GPHN: variants seen among roughly 807,000 people sequenced by gnomAD.
The protein encoded by GPHN is gephyrin.
In GPHN, 17 loss-of-function variants were observed where a neutral mutation model predicts 95.5. That is an observed-to-expected ratio of 0.18 (90% CI 0.12 to 0.27). GPHN has a LOEUF of 0.27. GPHN is among the 10% of genes least tolerant of loss of function. The pLI, the probability that GPHN is intolerant of heterozygous loss-of-function variation, is 1.00. For missense variants in GPHN, 660 were observed against 978.1 expected (o/e 0.67, Z 4.34); for synonymous variants, 320 against 322.5 (o/e 0.99, Z 0.08).
the GPHN span, among the ~76,000 whole-genome samples, chr14:67,367,578 A>G: frequency 6.6e-6 from 1 of 152,270 alleles, no homozygotes; most frequent in Non-Finnish European, 1.5e-5. Context: ...CAGCATTCTC[A>G]TAAATACGGT....
chr14:67,597,240 G>A, the GPHN span, among the ~76,000 whole-genome samples: 117,369 of 152,282 alleles, frequency 0.77, 45,527 homozygotes, highest in Middle Eastern at 0.84. Flanking sequence ...CACTTTGGGA[G>A]GCCAACATGG....
chr14:67,574,733 G>T, the GPHN span, among the ~76,000 whole-genome samples: 1 of 152,144 alleles, frequency 6.6e-6, no homozygotes, highest in African/African-American at 2.4e-5. The surrounding 1 kb of genome is among the most constrained non-coding windows in gnomAD (Gnocchi z 4.2). Flanking sequence ...GGAGGAAGAG[G>T]CCTGGGCGAG....
chr14:66,655,957 C>T (rs536069239), intron 1 of GPHN, among the ~76,000 whole-genome samples: 346 of 152,070 alleles, frequency 2.3e-3, no homozygotes, highest in African/African-American at 6.8e-3. Flanking sequence ...CATTTAGTCA[C>T]GATATATAGT....
chr14:67,292,829 C>A, the GPHN span: 1 of 770,826 alleles, frequency 1.3e-6, no homozygotes, highest in Non-Finnish European at 2.0e-6. Flanking sequence ...GAATTAATTA[C>A]TGTTAATTAC....
the GPHN span, among the ~76,000 whole-genome samples, chr14:67,245,550 T>C: frequency 3.9e-5 from 6 of 152,178 alleles, no homozygotes; most frequent in Admixed American, 2.0e-4. Context: ...GGGGTCTCAC[T>C]ATGTTTCCCA....
intron 10 of GPHN, among the ~76,000 whole-genome samples, chr14:67,048,811 C>T (rs1266772521): frequency 6.6e-6 from 1 of 152,192 alleles, no homozygotes; most frequent in Non-Finnish European, 1.5e-5. Flanking sequence ...CATGTATTTT[C>T]ACATGTTTTG....
chr14:66,614,962 C>T (rs913056202), intron 1 of GPHN, among the ~76,000 whole-genome samples: 10 of 152,082 alleles, frequency 6.6e-5, no homozygotes, highest in African/African-American at 2.4e-4. Flanking sequence ...TGAGAACGTG[C>T]AGTGTTTGGT....
chr14:66,596,703 C>A (rs1461651096), intron 1 of GPHN, among the ~76,000 whole-genome samples: 1 of 152,226 alleles, frequency 6.6e-6, no homozygotes, highest in African/African-American at 2.4e-5. Context: ...CAGTCACTTA[C>A]AAGCTTGTGG....
intron 1 of GPHN, among the ~76,000 whole-genome samples, chr14:66,525,938 CT>C (rs2058673385): frequency 6.7e-6 from 1 of 150,110 alleles, no homozygotes; most frequent in Non-Finnish European, 1.5e-5. Context: ...CAGCTTTGTT[CT>C]TTTTGCTTAG....
chr14:67,637,410 CAAAAA>C, the GPHN span, among the ~76,000 whole-genome samples: 4 of 103,618 alleles, frequency 3.9e-5, no homozygotes, highest in African/African-American at 4.5e-5. Context: ...GACTCTGTCT[CAAAAA>C]AAAAAAAAAA....
the GPHN span, chr14:67,555,800 C>T: frequency 1.9e-6 from 3 of 1,612,122 alleles, no homozygotes; most frequent in South Asian, 3.3e-5. Flanking sequence ...GCACCTACAT[C>T]TCCCCTTTCT....
At chr14:67,067,380 A>G (rs1242898652) in intron 11 of GPHN, among the ~76,000 whole-genome samples, 1 of 152,020 alleles carries the variant, frequency 6.6e-6, no homozygotes, top group Non-Finnish European at 1.5e-5. Flanking sequence ...CTACTAGGAG[A>G]TGTCTTTCAG....
intron 8 of GPHN, among the ~76,000 whole-genome samples, chr14:66,963,343 A>G (rs986337192): frequency 4.6e-5 from 7 of 152,094 alleles, no homozygotes; most frequent in Admixed American, 1.3e-4. Flanking sequence ...TATGTGTATA[A>G]GTCTGGAGAT....
At chr14:67,702,217 C>T in the GPHN span, among the ~76,000 whole-genome samples, 7 of 152,040 alleles carry the variant, frequency 4.6e-5, no homozygotes, top group Non-Finnish European at 7.4e-5. Flanking sequence ...GATTCTCCCA[C>T]CTTAGGGTCC....
At chr14:66,537,642 CTCATAA>C (rs1253570177) in intron 1 of GPHN, among the ~76,000 whole-genome samples, 1 of 152,070 alleles carries the variant, frequency 6.6e-6, no homozygotes, top group Non-Finnish European at 1.5e-5. Context: ...CTTTCTAATG[CTCATAA>C]TTCATTTTTA....
At chr14:67,254,025 T>TCCCC in the GPHN span, among the ~76,000 whole-genome samples, 23 of 122,986 alleles carry the variant, frequency 1.9e-4, no homozygotes, top group African/African-American at 7.0e-4. Flanking sequence ...CTTATATTCA[T>TCCCC]CCCCCCCCCC....
At chr14:67,280,255 C>T in the GPHN span, among the ~76,000 whole-genome samples, 2 of 152,306 alleles carry the variant, frequency 1.3e-5, 1 homozygote, top group Middle Eastern at 6.8e-3. Flanking sequence ...AATATTTAAT[C>T]ATTGAATTTA....
At chr14:67,050,476 C>T (rs1022349937) in intron 10 of GPHN, among the ~76,000 whole-genome samples, 6 of 152,128 alleles carry the variant, frequency 3.9e-5, no homozygotes, top group Middle Eastern at 3.2e-3. Context: ...ATTAATAAGA[C>T]ATAGGCTCTG....
the GPHN span, among the ~76,000 whole-genome samples, chr14:67,634,291 G>A: frequency 2.0e-5 from 3 of 151,962 alleles, no homozygotes; most frequent in Non-Finnish European, 4.4e-5. Flanking sequence ...TTTAACTCTT[G>A]CAAGCTAAAT....
Sources: gnomAD v4.1 joint callset for allele counts (sites outside exome capture counted in the v4.1 genomes callset) on GRCh38, gnomAD v4.1.1 for gene constraint, Gnocchi (gnomAD v3.1) non-coding constraint, MANE v1.5 for transcripts, NCBI Gene and HGNC (gene_info 2026-07-23, HGNC 2026-07-21) for gene names.